HHAT: variants seen among roughly 807,000 people sequenced by gnomAD.
HHAT encodes hedgehog acyltransferase.
HHAT carries 47 observed loss-of-function variants against 70.8 expected under a neutral mutation model. The ratio of observed to expected loss-of-function variants is 0.66; its 90% confidence interval spans 0.53 to 0.85. The LOEUF (loss-of-function observed/expected upper bound fraction) is 0.85. HHAT is among the 40% of genes least tolerant of loss of function. The pLI is 0.00. For synonymous variants in HHAT, 228 were observed against 247.6 expected (o/e 0.92, Z 0.74); for missense variants, 609 against 604.8 (o/e 1.01, Z -0.07).
At chr1:210,464,454 A>AGACC (rs765675427) in intron 7 of HHAT, 51 bp from the exon 8 acceptor site, 4 of 1,607,506 alleles carry the variant, frequency 2.5e-6, no homozygotes, top group Non-Finnish European at 3.4e-6. Flanking sequence ...CTCCTCCAGG[A>AGACC]AACTGCTGTG....
At chr1:210,660,167 C>A (rs1307479197) in intron 11 of HHAT, among the ~76,000 whole-genome samples, 2 of 152,200 alleles carry the variant, frequency 1.3e-5, no homozygotes, top group Non-Finnish European at 2.9e-5. Context: ...TAGAAAACCC[C>A]ATTGTCTCAG....
chr1:210,593,200 T>C (rs1212513914), intron 10 of HHAT, among the ~76,000 whole-genome samples: 1 of 152,158 alleles, frequency 6.6e-6, no homozygotes, highest in East Asian at 1.9e-4. Flanking sequence ...GTATTTCTTC[T>C]CTGATCTTCG....
At chr1:210,428,403 A>C (rs1200434876) in intron 7 of HHAT, among the ~76,000 whole-genome samples, 1 of 144,638 alleles carries the variant, frequency 6.9e-6, no homozygotes, top group East Asian at 2.1e-4. Context: ...CACATTACTA[A>C]ATTTTCGTTC....
At chr1:210,626,802 A>G (rs935398407) in intron 11 of HHAT, among the ~76,000 whole-genome samples, 1 of 152,192 alleles carries the variant, frequency 6.6e-6, no homozygotes, top group Non-Finnish European at 1.5e-5. Flanking sequence ...GTGTTCATAT[A>G]TGAGCTTTCT....
At chr1:210,642,924 G>A (rs555107491) in intron 11 of HHAT, among the ~76,000 whole-genome samples, 1 of 152,212 alleles carries the variant, frequency 6.6e-6, no homozygotes, top group South Asian at 2.1e-4. Flanking sequence ...CTTACCCCAA[G>A]CTCATGAAGA....
intron 9 of HHAT, among the ~76,000 whole-genome samples, chr1:210,536,611 A>T (rs755124836): frequency 6.6e-6 from 1 of 152,264 alleles, no homozygotes; most frequent in African/African-American, 2.4e-5. Flanking sequence ...AGAAGGATTT[A>T]TGTCTCCTAA....
chr1:210,527,996 G>A (rs1380980797), intron 9 of HHAT, among the ~76,000 whole-genome samples: 2 of 152,168 alleles, frequency 1.3e-5, no homozygotes, highest in Non-Finnish European at 2.9e-5. Context: ...ATGATTTTTA[G>A]CATCTACCAT....
intron 9 of HHAT, among the ~76,000 whole-genome samples, chr1:210,578,639 C>T (rs1230612992): frequency 1.3e-5 from 2 of 151,948 alleles, no homozygotes; most frequent in African/African-American, 2.4e-5. Flanking sequence ...ATTATTCAGC[C>T]TCAAAAAAGA....
chr1:210,629,022 C>A (rs1381642073), intron 11 of HHAT, among the ~76,000 whole-genome samples: 3 of 152,162 alleles, frequency 2.0e-5, no homozygotes, highest in Non-Finnish European at 2.9e-5. Flanking sequence ...TGTGTCTCTA[C>A]CTCACTGGAT....
chr1:210,602,646 C>T (rs1455349556), intron 10 of HHAT, among the ~76,000 whole-genome samples: 2 of 152,106 alleles, frequency 1.3e-5, no homozygotes, highest in East Asian at 1.9e-4. Flanking sequence ...AACAGGAGAG[C>T]GTTAAATTAA....
At chr1:210,487,553 C>G (rs4262545) in intron 8 of HHAT, among the ~76,000 whole-genome samples, 103,660 of 151,988 alleles carry the variant, frequency 0.68, 35,567 homozygotes, top group East Asian at 0.77. Flanking sequence ...ATGTGTTTCT[C>G]GTATGACACT....
At chr1:210,375,356 T>C (rs146892607) in intron 3 of HHAT, among the ~76,000 whole-genome samples, 98 of 152,332 alleles carry the variant, frequency 6.4e-4, no homozygotes, top group African/African-American at 2.3e-3. Context: ...TTTTTATCAT[T>C]CTGCAATGAC....
At chr1:210,374,091 C>T (rs913103790) in intron 3 of HHAT, 5 of 152,058 alleles carry the variant, frequency 3.3e-5, no homozygotes, top group Admixed American at 6.6e-5. Flanking sequence ...GACAATGAAT[C>T]ACTTAAGCCT....
intron 9 of HHAT, among the ~76,000 whole-genome samples, chr1:210,559,111 C>G (rs963711839): frequency 1.3e-5 from 2 of 152,198 alleles, no homozygotes. Flanking sequence ...AGCATGAAGA[C>G]TTATAAGGCA....
chr1:210,548,783 G>A (rs1404856602), intron 9 of HHAT, among the ~76,000 whole-genome samples: 3 of 152,196 alleles, frequency 2.0e-5, no homozygotes, highest in Non-Finnish European at 4.4e-5. Context: ...GTAGATCACG[G>A]CCCCTCAGCA....
Position 210,653,020 on chromosome 1 carries a change from C to A in HHAT, c.1391-21268C>A, listed in dbSNP as rs1675501088. Among the ~76,000 whole-genome samples the A allele has an allele frequency of 2.0e-5, 3 of 152,190 alleles. No individual in the cohort carries two copies. In the South Asian group the frequency reaches 6.2e-4, roughly 32 times the overall value. ...TATACAAGGATATCCATTGTAATAG[C>A]AAAAGATTGGAATAGACATAAATGT... On this transcript the variant is annotated intron_variant, in intron 11 of 11. Transcript: ENST00000261458.
intron 6 of HHAT, among the ~76,000 whole-genome samples, chr1:210,409,205 A>G (rs2092442328): frequency 6.6e-6 from 1 of 152,132 alleles, no homozygotes; most frequent in Non-Finnish European, 1.5e-5. Context: ...TGAGAGAGAT[A>G]CTGTCATGAC....
At chr1:210,545,876 C>T (rs2095479060) in intron 9 of HHAT, among the ~76,000 whole-genome samples, 1 of 152,202 alleles carries the variant, frequency 6.6e-6, no homozygotes, top group South Asian at 2.1e-4. Context: ...TGCTTTTCTT[C>T]CCTGTTGGAC....
At chr1:210,425,945 T>G (rs543792090) in intron 7 of HHAT, among the ~76,000 whole-genome samples, 1 of 152,224 alleles carries the variant, frequency 6.6e-6, no homozygotes, top group Non-Finnish European at 1.5e-5. Flanking sequence ...TATGGCCATT[T>G]TCACAATATT....
Sources: allele counts gnomAD v4.1 joint callset (sites outside exome capture counted in the v4.1 genomes callset), GRCh38; gene constraint gnomAD v4.1.1; transcripts MANE v1.5; gene names NCBI Gene and HGNC (gene_info 2026-07-23, HGNC 2026-07-21).